Variants in SYNDIG1L observed in about 807,000 individuals in gnomAD.
SYNDIG1L encodes synapse differentiation inducing 1 like, also known as synapse differentiation-inducing gene protein 1-like.
In SYNDIG1L, 13 loss-of-function variants were observed where a neutral mutation model predicts 20.1. That is an observed-to-expected ratio of 0.65 (90% confidence interval 0.42 to 1.03). The LOEUF is 1.03. Among genes scored for constraint, SYNDIG1L ranks in the 50% least tolerant of loss-of-function variants. The probability of loss-of-function intolerance (pLI) is 0.00; values close to 1 mark genes in which losing one functional copy is unlikely to be tolerated. For synonymous variants in SYNDIG1L, 128 were observed against 129.3 expected (o/e 0.99, Z 0.07); for missense variants, 294 against 305.1 (o/e 0.96, Z 0.27).
the SYNDIG1L span, among the ~76,000 whole-genome samples, chr14:74,466,337 G>A: frequency 2.0e-5 from 3 of 152,144 alleles, no homozygotes; most frequent in Non-Finnish European, 4.4e-5. Flanking sequence ...ATACTGGTTG[G>A]GTGGGTGGAT....
the SYNDIG1L span, among the ~76,000 whole-genome samples, chr14:74,454,086 TCA>T: frequency 1.3e-5 from 2 of 152,186 alleles, no homozygotes; most frequent in Admixed American, 1.3e-4. Context: ...TTGTCCAAAG[TCA>T]CACAGTTAGA....
upstream of SYNDIG1L, among the ~76,000 whole-genome samples, chr14:74,430,640 G>A (rs577000523): frequency 2.3e-4 from 35 of 152,272 alleles, no homozygotes; most frequent in Admixed American, 5.2e-4. Context: ...TCACCATGTT[G>A]GCCAGGCTGG....
At chr14:74,436,524 C>T in the SYNDIG1L span, among the ~76,000 whole-genome samples, 1 of 152,016 alleles carries the variant, frequency 6.6e-6, no homozygotes, top group Non-Finnish European at 1.5e-5. Flanking sequence ...CAGGTGTGAG[C>T]CACCACGTCT....
At chr14:74,455,279 C>G in the SYNDIG1L span, among the ~76,000 whole-genome samples, 4 of 152,190 alleles carry the variant, frequency 2.6e-5, no homozygotes, top group South Asian at 2.1e-4. Context: ...GCTGAGGACA[C>G]CTTTCGTGTC....
chr14:74,455,754 C>T, the SYNDIG1L span, among the ~76,000 whole-genome samples: 2 of 152,102 alleles, frequency 1.3e-5, no homozygotes, highest in Non-Finnish European at 2.9e-5. Context: ...TCTAAGCCTT[C>T]CTGCTCACTC....
chr14:74,462,781 C>T, the SYNDIG1L span, among the ~76,000 whole-genome samples: 1 of 152,178 alleles, frequency 6.6e-6, no homozygotes, highest in Non-Finnish European at 1.5e-5. Context: ...GCTGCAATTA[C>T]AGGTATTACA....
At chr14:74,408,889 T>C (rs1193816570) in intron 2 of SYNDIG1L, among the ~76,000 whole-genome samples, 1 of 152,068 alleles carries the variant, frequency 6.6e-6, no homozygotes, top group Non-Finnish European at 1.5e-5. Flanking sequence ...GAACAAGTGC[T>C]ATTGAACAAT....
the SYNDIG1L span, among the ~76,000 whole-genome samples, chr14:74,432,681 TC>T: frequency 6.6e-6 from 1 of 152,106 alleles, no homozygotes; most frequent in East Asian, 1.9e-4. Flanking sequence ...CATAGTGAAA[TC>T]CTGATTCTAC....
chr14:74,414,270 G>A (rs1337835129), intron 1 of SYNDIG1L, among the ~76,000 whole-genome samples: 2 of 152,226 alleles, frequency 1.3e-5, no homozygotes, highest in Admixed American at 6.5e-5. Flanking sequence ...AGGCATGCCT[G>A]TGTGTACTCT....
intron 1 of SYNDIG1L, among the ~76,000 whole-genome samples, chr14:74,419,931 C>A (rs983819301): frequency 6.6e-6 from 1 of 152,030 alleles, no homozygotes; most frequent in Non-Finnish European, 1.5e-5. Flanking sequence ...GGTGGGAAGG[C>A]CTCCCATGCC....
the SYNDIG1L span, among the ~76,000 whole-genome samples, chr14:74,461,611 T>C: frequency 6.6e-6 from 1 of 152,022 alleles, no homozygotes; most frequent in Non-Finnish European, 1.5e-5. Flanking sequence ...CACTTTCCCC[T>C]GTCTACTGGC....
At chr14:74,462,429 A>C in the SYNDIG1L span, among the ~76,000 whole-genome samples, 1 of 151,920 alleles carries the variant, frequency 6.6e-6, no homozygotes. Flanking sequence ...GGTTGCAGTG[A>C]GCTGTGATCA....
chr14:74,477,761 A>G, the SYNDIG1L span, among the ~76,000 whole-genome samples: 6 of 152,358 alleles, frequency 3.9e-5, no homozygotes, highest in African/African-American at 1.2e-4. Context: ...TCTGGGATTT[A>G]TCTGTCCTGG....
chr14:74,415,116 T>C (rs1212723589), intron 1 of SYNDIG1L, among the ~76,000 whole-genome samples: 2 of 152,086 alleles, frequency 1.3e-5, no homozygotes, highest in Non-Finnish European at 2.9e-5. Context: ...CCCCAATAAA[T>C]ACCCTGGTTT....
chr14:74,435,900 C>A, the SYNDIG1L span, among the ~76,000 whole-genome samples: 18 of 152,180 alleles, frequency 1.2e-4, 1 homozygote, highest in African/African-American at 4.1e-4. Context: ...GTGTTAGAGG[C>A]ATAGAGTGAG....
the SYNDIG1L span, among the ~76,000 whole-genome samples, chr14:74,435,108 A>G: frequency 6.7e-6 from 1 of 149,696 alleles, no homozygotes; most frequent in African/African-American, 2.5e-5. Context: ...AAAAAAAAAA[A>G]AATCTAGGGG....
chr14:74,477,032 C>A, the SYNDIG1L span, among the ~76,000 whole-genome samples: 1 of 148,100 alleles, frequency 6.8e-6, no homozygotes, highest in Non-Finnish European at 1.5e-5. Context: ...CCCCCAGCCC[C>A]ATTCCCAACA....
the SYNDIG1L span, among the ~76,000 whole-genome samples, chr14:74,440,595 G>C: frequency 2.7e-5 from 4 of 150,770 alleles, no homozygotes; most frequent in Admixed American, 6.6e-5. Flanking sequence ...TAAGGCAGGA[G>C]AATGGCGTGA....
At chr14:74,468,447 T>C in the SYNDIG1L span, among the ~76,000 whole-genome samples, 36 of 152,176 alleles carry the variant, frequency 2.4e-4, no homozygotes, top group Middle Eastern at 6.8e-3. Flanking sequence ...ACCTTCCCTT[T>C]ACCTTCCTAC....
Sources: gnomAD v4.1 joint callset for allele counts (sites outside exome capture counted in the v4.1 genomes callset) on GRCh38, gnomAD v4.1.1 for gene constraint, MANE v1.5 for transcripts, NCBI Gene and HGNC (gene_info 2026-07-23, HGNC 2026-07-21) for gene names.